The following ATAD3C variants were observed in gnomAD, a reference collection of about 807,000 sequenced individuals.
ATAD3C encodes ATPase family AAA domain containing 3C, also known as ATPase family AAA domain-containing protein 3C.
A neutral mutation model predicts 46.3 loss-of-function variants in ATAD3C; 38 were observed. The observed-to-expected ratio is 0.82, with a 90% CI of 0.63 to 1.08. The LOEUF (loss-of-function observed/expected upper bound fraction) is 1.08, where lower values mean the gene tolerates loss of function less well. Ranked by LOEUF, ATAD3C falls within the 50% of genes least tolerant of loss-of-function variation. The pLI is 0.00. For missense variants in ATAD3C, 563 were observed against 572.7 expected, an observed-to-expected ratio of 0.98 and a Z score of 0.17; for synonymous variants, 220 against 236.4, an observed-to-expected ratio of 0.93 and a Z score of 0.63.
chr1:1,462,705 G>T lies in ATAD3C; in HGVS notation c.1086G>T (p.Trp362Cys). ...CRKIAQLAVS[W>C]QATAYASKDG... ...AGATCGCACAGCTGGCCGTGTCCTG[G>T]CAGGTGAGTCAGGCTCGGGTGCACC... Residue 362 changes from tryptophan to cysteine, a missense_variant, in exon 11 of 12, where the codon TGG becomes TGT. By Grantham distance (215) the Trp-to-Cys change is radical. This residue lies in a region of ATAD3C where 273 missense variants were observed against 253.5 expected (regional missense o/e 1.08). Coordinates refer to ENST00000378785, the MANE Select transcript of ATAD3C (RefSeq NM_001039211.3). The surrounding 1 kb of genome is among the most constrained non-coding windows in gnomAD (Gnocchi z 4.5). 1 of 1,601,464 alleles carries T rather than the reference G, an allele frequency of 6.2e-7. No homozygotes were observed. Among genetic ancestry groups the T allele is most frequent in the Non-Finnish European group, 8.5e-7 (1 of 1,174,504 alleles).
rs1441993032 is a variant in ATAD3C, at chr1:1,449,867, T to G, written c.-817T>G. On this transcript the variant is annotated 5_prime_UTR_variant, in exon 1 of 12. Transcript: ENST00000378785. Reference sequence around the variant, plus strand: ...ACTTCTGTCCCAGGTCACCCAAACATTGACCTGTGTCGGTTCCCCACTAGG... The same window carrying G: ...ACTTCTGTCCCAGGTCACCCAAACAGTGACCTGTGTCGGTTCCCCACTAGG... The G allele has an allele frequency of 6.6e-6, 1 of 152,070 alleles. No homozygotes were observed. The highest frequency in any genetic ancestry group is 1.5e-5 in the Non-Finnish European group (1 of 67,978). 9.4% of individuals were successfully genotyped at this position (152,070 alleles called of 1,614,324 possible).
Position 1,449,749 on chromosome 1 carries a change from G to C in ATAD3C, c.-935G>C, listed in dbSNP as rs539032248. 6.6e-6 allele frequency: 1 copy of C among 152,058 alleles called. No individual in the cohort carries two copies. 9.4% of individuals were successfully genotyped at this position (152,058 alleles called of 1,614,324 possible). On this transcript the variant is annotated 5_prime_UTR_variant, in exon 1 of 12. Transcript: ENST00000378785. The stretch of plus-strand genomic sequence containing the variant: ...CTCAATGGGCCACCGCGCCCGGCCA[G>C]AAGATTTTTATGGTAAAATTTTGTG...
At chr1:1,468,003 G>C (rs1398675630) in intron 11 of ATAD3C, among the ~76,000 whole-genome samples, 2 of 151,810 alleles carry the variant, frequency 1.3e-5, no homozygotes, top group Non-Finnish European at 2.9e-5. Flanking sequence ...GTGAGGGTCA[G>C]GGTCTGAGGG....
intron 3 of ATAD3C, 72 bp downstream of exon 3, chr1:1,452,506 G>A: frequency 6.2e-7 from 1 of 1,608,578 alleles, no homozygotes. Flanking sequence ...GGAGCCACAG[G>A]TCCTATCCCT....
In ATAD3C at chr1:1,462,383, G is replaced by T; in HGVS notation, c.981-217G>T. ...GTGGACAGGGCTGGTGTTAGGAAGGGGTGCGGCCATCTCCAGGCCCCACAG... is the reference window on the plus strand; with the variant it reads ...GTGGACAGGGCTGGTGTTAGGAAGGTGTGCGGCCATCTCCAGGCCCCACAG... On this transcript the variant is annotated intron_variant, in intron 10 of 11. Transcript: ENST00000378785. The surrounding 1 kb of genome is among the most constrained non-coding windows in gnomAD (Gnocchi z 4.5). The T allele has an allele frequency of 2.0e-6, 1 of 499,126 alleles. No individual in the cohort carries two copies. The highest frequency in any genetic ancestry group is 3.9e-5 in the East Asian group (1 of 25,682). The allele number at this position is 499,126 out of a possible 1,614,324, so 30.9% of individuals were successfully genotyped here.
Position 1,454,400 on chromosome 1 carries a change from C to A in ATAD3C, c.278C>A (p.Ala93Asp), listed in dbSNP as rs568600670. The change falls in exon 4 of 12, where the codon GCC becomes GAC. Residue 93 changes from alanine (A) to aspartate (D), a missense_variant. Transcript: ENST00000378785. ...VGVYSAKNAT[A>D]VTGRYIEARL... ...GTCTACTCAGCCAAGAATGCGACAG[C>A]CGTCACTGGCCGCTACATCGAGGCT... 4 of 1,604,290 alleles carry A rather than the reference C, an allele frequency of 2.5e-6. No homozygotes were observed. In the East Asian group the frequency reaches 9.0e-5, roughly 36 times the overall value.
rs558604374 is a variant in ATAD3C, at chr1:1,465,240, A to T, written c.1089+2532A>T. Among the ~76,000 whole-genome samples, 321 of 151,838 alleles carry T rather than the reference A, an allele frequency of 2.1e-3. 3 individuals carry two copies. Among genetic ancestry groups the T allele is most frequent in the African/African-American group, 7.3e-3 (302 of 41,418 alleles). On this transcript the variant is annotated intron_variant, in intron 11 of 11. Coordinates refer to ENST00000378785, the MANE Select transcript of ATAD3C (RefSeq NM_001039211.3). ...TTCTCGGTCAAGTGAATTTCAAAGT[A>T]TTTTATTCTTTCGGATGCTATTGTA... is the stretch of plus-strand genomic sequence containing the variant.
At chr1:1,464,883 G>A (rs1639122537) in intron 11 of ATAD3C, among the ~76,000 whole-genome samples, 1 of 151,862 alleles carries the variant, frequency 6.6e-6, no homozygotes, top group Non-Finnish European at 1.5e-5. Context: ...ATATTGTGTG[G>A]TTTTCTCTTT....
chr1:1,454,024 A>G (rs1383772956), intron 3 of ATAD3C, among the ~76,000 whole-genome samples: 6 of 152,018 alleles, frequency 3.9e-5, no homozygotes, highest in Non-Finnish European at 8.8e-5. Context: ...AGTGGCCAAG[A>G]ATGTACCGAG....
In ATAD3C at chr1:1,460,788, T is replaced by A. The variant is rs1639044040; in HGVS notation, c.851T>A (p.Phe284Tyr). 6.2e-7 allele frequency: 1 copy of A among 1,612,024 alleles called. No individual in the cohort carries two copies. Among genetic ancestry groups the A allele is most frequent in the Admixed American group, 1.7e-5 (1 of 59,840 alleles). ...LILASCHPEQ[F>Y]DWAINACIDV... ...CTGGCCAGCTGCCACCCCGAGCAGTTCGACTGGGCCATCAATGCCTGCATC... is the reference window on the plus strand; with the variant it reads ...CTGGCCAGCTGCCACCCCGAGCAGTACGACTGGGCCATCAATGCCTGCATC... The change falls in exon 10 of 12, where the codon TTC becomes TAC. Residue 284 changes from phenylalanine (F) to tyrosine (Y), a missense_variant. By Grantham distance (22) the Phe-to-Tyr change is conservative (BLOSUM62 3). This residue lies in a region of ATAD3C where 273 missense variants were observed against 253.5 expected (regional missense o/e 1.08). Transcript: ENST00000378785.
rs145079480 is a variant in ATAD3C, at chr1:1,468,514, A to G, written c.1220A>G (p.Glu407Gly). The change falls in exon 12 of 12, where the codon GAG (glutamate) becomes GGG (glycine). Residue 407 changes from glutamate (E) to glycine (G), a missense_variant. Glu to Gly is a moderately conservative substitution (Grantham distance 98). This residue lies in a region of ATAD3C where 273 missense variants were observed against 253.5 expected (regional missense o/e 1.08). Coordinates refer to ENST00000378785, the MANE Select transcript of ATAD3C (RefSeq NM_001039211.3). ...LKGERPGPEDEQPSS is the reference protein window; with the variant it reads ...LKGERPGPEDGQPSS Reference sequence around the variant, plus strand: ...GGGGAGAGGCCTGGGCCCGAGGACGAGCAACCCTCATCCTGAGTCCATGGG... The same window carrying G: ...GGGGAGAGGCCTGGGCCCGAGGACGGGCAACCCTCATCCTGAGTCCATGGG... 5.2e-3 allele frequency: 8,390 copies of G among 1,607,994 alleles called. 432 individuals are homozygous for G. In the African/African-American group the frequency reaches 0.096, roughly 18 times the overall value.
rs11485859 is a variant in ATAD3C, at chr1:1,459,959, G to C, written c.812+728G>C. On this transcript the variant is annotated intron_variant, in intron 9 of 11. Coordinates refer to ENST00000378785, the MANE Select transcript of ATAD3C (RefSeq NM_001039211.3). This position sits in a 1 kb window ranked among gnomAD's most constrained non-coding sequence, Gnocchi z 4.9. ...CCTGGGTCAGCTGCTGCCGGTAGAC[G>C]CTCCCTGGAGCCCTGACTCGGGTCC... Among the ~76,000 whole-genome samples the C allele has an allele frequency of 6.6e-6, 1 of 151,986 alleles. No homozygotes were observed. The highest frequency in any genetic ancestry group is 6.6e-5 in the Admixed American group (1 of 15,232).
At chr1:1,460,416 C>T (rs1047911833) in intron 9 of ATAD3C, among the ~76,000 whole-genome samples, 9 of 152,088 alleles carry the variant, frequency 5.9e-5, no homozygotes, top group Admixed American at 1.3e-4. Flanking sequence ...CTCTGGGTCC[C>T]GCATCCCTGC....
intron 1 of ATAD3C, among the ~76,000 whole-genome samples, chr1:1,451,139 C>T (rs1432508199): frequency 6.6e-6 from 1 of 151,166 alleles, no homozygotes; most frequent in African/African-American, 2.4e-5. Context: ...CTCCCGGGTT[C>T]ACACCATTCT....
In ATAD3C at chr1:1,467,384, C is replaced by T. The variant is rs192058222; in HGVS notation, c.1090-1000C>T. Among the ~76,000 whole-genome samples the T allele has an allele frequency of 5.5e-3, 832 of 151,974 alleles. 12 individuals carry two copies. The highest frequency in any genetic ancestry group is 0.018 in the African/African-American group (751 of 41,466). ...CTGAGCCACAGTGGCGGTCCGGCTC[C>T]GGTCAGTGTCTCCTGCGCTCCCGGG... On this transcript the variant is annotated intron_variant, in intron 11 of 11. Coordinates refer to ENST00000378785, the MANE Select transcript of ATAD3C (RefSeq NM_001039211.3).
Position 1,462,652 on chromosome 1 carries a change from C to G in ATAD3C, c.1033C>G (p.Arg345Gly), listed in dbSNP as rs181068440. 8,886 of 1,606,900 alleles carry G rather than the reference C, an allele frequency of 5.5e-3. 154 individuals are homozygous for G. Among genetic ancestry groups the G allele is most frequent in the Non-Finnish European group, 6.9e-3 (8,141 of 1,177,032 alleles). The change falls in exon 11 of 12, where the codon CGG (arginine) becomes GGG (glycine). Residue 345 changes from arginine (R) to glycine (G), a missense_variant. Arg to Gly is a moderately radical substitution (Grantham distance 125). Around this residue, in one of 3 missense-constraint regions of ATAD3C, gnomAD observed 273 missense variants for 253.5 expected, o/e 1.08. Coordinates refer to ENST00000378785, the MANE Select transcript of ATAD3C (RefSeq NM_001039211.3). The surrounding 1 kb of genome is among the most constrained non-coding windows in gnomAD (Gnocchi z 4.5). ...DYGRKCLEIA[R>G]LTEGMSCRKI... ...CGGGAGGAAGTGCTTAGAGATCGCTCGGCTGACAGAGGGCATGTCATGCCG... is the reference window on the plus strand; with the variant it reads ...CGGGAGGAAGTGCTTAGAGATCGCTGGGCTGACAGAGGGCATGTCATGCCG...
intron 11 of ATAD3C, among the ~76,000 whole-genome samples, chr1:1,463,857 A>T (rs2100489761): frequency 6.6e-6 from 1 of 151,944 alleles, no homozygotes; most frequent in East Asian, 1.9e-4. Flanking sequence ...GGCTGCAGTG[A>T]GCTGTGATTG....
chr1:1,455,880 C>G lies in ATAD3C; in HGVS notation c.528C>G (p.Tyr176Ter). The change falls in exon 6 of 12, where the codon TAC becomes TAG. Residue 176 changes from tyrosine (Y) to a stop codon, truncating the protein, a stop_gained. Coordinates refer to ENST00000378785, the MANE Select transcript of ATAD3C (RefSeq NM_001039211.3). LOFTEE classifies it high-confidence loss of function. ...NRGLYRHILL[Y>*]GPPGTGKTLF... ...GCCTGTACAGGCACATCCTGCTGTA[C>G]GGGCCACCAGGCACCGGGAAGACGC... 1 of 1,613,336 alleles carries G rather than the reference C, an allele frequency of 6.2e-7. No individual in the cohort carries two copies. Among genetic ancestry groups the G allele is most frequent in the Middle Eastern group, 1.6e-4 (1 of 6,062 alleles).
intron 7 of ATAD3C, among the ~76,000 whole-genome samples, 191 bp from the exon 8 acceptor site, chr1:1,456,938 G>A (rs1557778216): frequency 6.6e-6 from 1 of 152,002 alleles, no homozygotes; most frequent in Non-Finnish European, 1.5e-5. Context: ...GAGTGGGGGT[G>A]AAGCCTGCGG....
Sources: allele counts gnomAD v4.1 joint callset (sites outside exome capture counted in the v4.1 genomes callset), GRCh38; gene constraint gnomAD v4.1.1; regional missense constraint gnomAD v4.1.1; non-coding constraint Gnocchi (gnomAD v3.1); transcripts MANE v1.5; gene names NCBI Gene and HGNC (gene_info 2026-07-23, HGNC 2026-07-21).